Variants in NFATC3 observed in about 807,000 individuals in gnomAD.
NFATC3 encodes nuclear factor of activated T cells 3.
NFATC3 carries 46 observed loss-of-function variants against 98.6 expected under a neutral mutation model. The ratio of observed to expected loss-of-function variants is 0.47; its 90% CI spans 0.37 to 0.60. The LOEUF (loss-of-function observed/expected upper bound fraction) is 0.60, where lower values mean the gene tolerates loss of function less well. NFATC3 is among the 20% of genes least tolerant of loss of function. NFATC3 has a pLI of 0.00. For missense variants in NFATC3, 1,256 were observed against 1,295.5 expected, an observed-to-expected ratio of 0.97 and a Z score of 0.47; for synonymous variants, 512 against 472.2, an observed-to-expected ratio of 1.08 and a Z score of -1.09.
At chr16:68,189,552 A>G (rs1598547318) in intron 8 of NFATC3, 1 of 152,518 alleles carries the variant, frequency 6.6e-6, no homozygotes, top group East Asian at 1.9e-4. Context: ...AGATCACTTT[A>G]TATGACTCAA....
chr16:68,132,482 G>A (rs2037167032), intron 3 of NFATC3, among the ~76,000 whole-genome samples: 1 of 152,190 alleles, frequency 6.6e-6, no homozygotes, highest in African/African-American at 2.4e-5. Flanking sequence ...ATGGAAAACA[G>A]TCTAAAGGTT....
chr16:68,090,295 A>ACC (rs11351556), intron 1 of NFATC3, among the ~76,000 whole-genome samples: 1 of 111,096 alleles, frequency 9.0e-6, no homozygotes, highest in South Asian at 3.3e-4. Flanking sequence ...TAAACACGCA[A>ACC]CCCCCCCCCC....
At chr16:68,089,576 T>C (rs1416406313) in intron 1 of NFATC3, 1 of 152,268 alleles carries the variant, frequency 6.6e-6, no homozygotes, top group African/African-American at 2.4e-5. Context: ...CAGTGCTATC[T>C]CTGATTTCTG....
intron 3 of NFATC3, 72 bp from the exon 4 acceptor site, chr16:68,157,797 T>C (rs2038694887): frequency 2.5e-6 from 3 of 1,207,614 alleles, no homozygotes; most frequent in Non-Finnish European, 2.4e-6. Flanking sequence ...ATAATAGACT[T>C]ACTATTGTTG....
At chr16:68,153,335 T>A (rs951493454) in intron 3 of NFATC3, among the ~76,000 whole-genome samples, 4 of 152,108 alleles carry the variant, frequency 2.6e-5, no homozygotes, top group African/African-American at 9.7e-5. Context: ...GTCAGGAGAA[T>A]CGCTTGAACC....
chr16:68,161,546 GA>G (rs1224528564), intron 4 of NFATC3, among the ~76,000 whole-genome samples: 2 of 152,024 alleles, frequency 1.3e-5, no homozygotes, highest in Non-Finnish European at 2.9e-5. Flanking sequence ...CAACTTAAAG[GA>G]AAAAAGTTAG....
chr16:68,178,431 A>G (rs1168265359), intron 6 of NFATC3, among the ~76,000 whole-genome samples: 1 of 152,224 alleles, frequency 6.6e-6, no homozygotes, highest in Non-Finnish European at 1.5e-5. Context: ...TTATTAATTC[A>G]TCAATTATTT....
chr16:68,138,328 C>T (rs753096599), intron 3 of NFATC3, among the ~76,000 whole-genome samples: 2 of 152,114 alleles, frequency 1.3e-5, no homozygotes, highest in South Asian at 2.1e-4. Flanking sequence ...TGTAAGCCAC[C>T]GTGCCTGGCC....
At chr16:68,094,635 C>A (rs1466790751) in intron 1 of NFATC3, among the ~76,000 whole-genome samples, 1 of 152,160 alleles carries the variant, frequency 6.6e-6, no homozygotes, top group African/African-American at 2.4e-5. Flanking sequence ...CACCAGAACT[C>A]TCCCTTTGAG....
chr16:68,216,368 A>G (rs1358672468), intron 9 of NFATC3, among the ~76,000 whole-genome samples: 1 of 152,186 alleles, frequency 6.6e-6, no homozygotes, highest in Non-Finnish European at 1.5e-5. Context: ...TTGCTGATAG[A>G]AAAGAGTACA....
chr16:68,116,370 A>C (rs1472403015), intron 1 of NFATC3, among the ~76,000 whole-genome samples: 1 of 152,174 alleles, frequency 6.6e-6, no homozygotes, highest in African/African-American at 2.4e-5. Flanking sequence ...GCTTCATACT[A>C]TACATAAAAA....
intron 9 of NFATC3, chr16:68,192,164 C>T (rs1442661842): frequency 7.2e-5 from 10 of 139,686 alleles, no homozygotes; most frequent in South Asian, 2.2e-4. Flanking sequence ...GCTAAGATCG[C>T]GCCATTGCAC....
rs1351680921 is a variant in NFATC3, at chr16:68,191,487, T to C, written c.2818T>C (p.Ser940Pro). The C allele has an allele frequency of 6.2e-7, 1 of 1,614,180 alleles. No homozygotes were observed. The highest frequency in any genetic ancestry group is 8.5e-7 in the Non-Finnish European group (1 of 1,180,036). ...TCATCCCTTGGCTAGTTCACCGCTT[T>C]CTGGGCCACCATCTCCTCAGCTTCA... Reference protein sequence around the residue: ...ASHPLASSPLSGPPSPQLQPM... With the variant: ...ASHPLASSPLPGPPSPQLQPM... The change falls in exon 9 of 10, where the codon TCT (serine) becomes CCT (proline). Residue 940 changes from serine (S) to proline (P), a missense_variant. Physicochemically the swap from Ser to Pro is moderately conservative, Grantham distance 74. Coordinates refer to ENST00000346183, the MANE Select transcript of NFATC3 (RefSeq NM_173165.3).
At chr16:68,217,834 C>T in intron 9 of NFATC3, 1 of 1,230,672 alleles carries the variant, frequency 8.1e-7, no homozygotes, top group Non-Finnish European at 1.0e-6. Context: ...CGCTTTTGCT[C>T]ACATTTCATT....
intron 1 of NFATC3, among the ~76,000 whole-genome samples, chr16:68,107,305 C>T (rs145080927): frequency 5.5e-3 from 831 of 152,232 alleles, no homozygotes; most frequent in Non-Finnish European, 7.0e-3. Flanking sequence ...GGTTCTAGGT[C>T]TTTGGGAGAA....
intron 6 of NFATC3, among the ~76,000 whole-genome samples, chr16:68,175,730 T>C (rs1049060687): frequency 1.3e-5 from 2 of 151,912 alleles, no homozygotes; most frequent in Non-Finnish European, 2.9e-5. Flanking sequence ...TGGCTAATTT[T>C]TGTATTTTTG....
In NFATC3 at chr16:68,095,897, A is replaced by T. The variant is rs79590901; in HGVS notation, c.103+10113A>T. Among the ~76,000 whole-genome samples the T allele has an allele frequency of 3.2e-3, 487 of 152,364 alleles. 5 individuals are homozygous for T. Among genetic ancestry groups the T allele is most frequent in the African/African-American group, 0.011 (455 of 41,586 alleles). ...GTGGTTCAGGTGGAACCTGATGATTATGCAGACATACAGAAGCATAAAGAC... is the reference window on the plus strand; with the variant it reads ...GTGGTTCAGGTGGAACCTGATGATTTTGCAGACATACAGAAGCATAAAGAC... On this transcript the variant is annotated intron_variant, in intron 1 of 9. Transcript: ENST00000346183.
At chr16:68,098,385 C>T (rs2035155509) in intron 1 of NFATC3, among the ~76,000 whole-genome samples, 1 of 149,784 alleles carries the variant, frequency 6.7e-6, no homozygotes, top group Non-Finnish European at 1.5e-5. Flanking sequence ...ACTGCAACCT[C>T]CCAACTCCCT....
chr16:68,144,265 A>G (rs1242557389), intron 3 of NFATC3, among the ~76,000 whole-genome samples: 2 of 152,222 alleles, frequency 1.3e-5, no homozygotes, highest in Non-Finnish European at 2.9e-5. Context: ...AACAGCTAAA[A>G]TAAAAAATAT....
Sources: gnomAD v4.1 joint callset for allele counts (sites outside exome capture counted in the v4.1 genomes callset) on GRCh38, gnomAD v4.1.1 for gene constraint, MANE v1.5 for transcripts, NCBI Gene and HGNC (gene_info 2026-07-23, HGNC 2026-07-21) for gene names.